The following SRGAP1 variants were observed in gnomAD, a reference collection of about 807,000 sequenced individuals.
SRGAP1 encodes the protein SLIT-ROBO Rho GTPase-activating protein 1.
Under a neutral mutation model 121.9 loss-of-function variants are expected in SRGAP1, and 43 were observed. The observed-to-expected ratio is 0.35, with a 90% CI of 0.28 to 0.46. The LOEUF is 0.46. Among genes scored for constraint, SRGAP1 ranks in the 20% least tolerant of loss-of-function variants. SRGAP1 has a pLI of 1.00. For missense variants in SRGAP1, 1,102 were observed against 1,350.9 expected (o/e 0.82, Z 2.89); for synonymous variants, 447 against 485.4 (o/e 0.92, Z 1.04).
intron 12 of SRGAP1, among the ~76,000 whole-genome samples, chr12:64,094,651 A>G (rs809322): frequency 0.016 from 2,501 of 152,310 alleles, 74 homozygotes; most frequent in African/African-American, 0.057. Context: ...TTTTAAGTCC[A>G]TTAAAGATTG....
chr12:64,102,952 T>C (rs2036282302), intron 15 of SRGAP1, among the ~76,000 whole-genome samples: 1 of 152,176 alleles, frequency 6.6e-6, no homozygotes, highest in Admixed American at 6.5e-5. Context: ...GGGTAAATTA[T>C]ATGGTATATT....
chr12:64,039,504 T>G (rs2034966617), intron 4 of SRGAP1, among the ~76,000 whole-genome samples: 1 of 152,156 alleles, frequency 6.6e-6, no homozygotes, highest in South Asian at 2.1e-4. Context: ...TGCGATAATT[T>G]ATTTAAAAGA....
intron 1 of SRGAP1, among the ~76,000 whole-genome samples, chr12:63,899,466 CG>C (rs1900861658): frequency 6.6e-6 from 1 of 152,154 alleles, no homozygotes; most frequent in Non-Finnish European, 1.5e-5. Flanking sequence ...ATTCACCAGT[CG>C]TGCAGCTACT....
intron 1 of SRGAP1, among the ~76,000 whole-genome samples, chr12:63,871,151 G>A (rs1030357602): frequency 2.0e-5 from 3 of 152,172 alleles, no homozygotes; most frequent in African/African-American, 7.2e-5. Flanking sequence ...CCTTAAGTTA[G>A]CCAATTTAAA....
At chr12:63,973,602 A>C (rs1362057086) in intron 1 of SRGAP1, among the ~76,000 whole-genome samples, 2 of 152,234 alleles carry the variant, frequency 1.3e-5, no homozygotes, top group Non-Finnish European at 2.9e-5. Context: ...TATAAATGTT[A>C]AATTGCTTAA....
chr12:64,099,463 A>G (rs2036219697), intron 15 of SRGAP1, among the ~76,000 whole-genome samples: 1 of 152,220 alleles, frequency 6.6e-6, no homozygotes, highest in Non-Finnish European at 1.5e-5. Flanking sequence ...TGAAAAGTCA[A>G]GATTCCACCA....
At chr12:63,967,530 T>A (rs1453484428) in intron 1 of SRGAP1, among the ~76,000 whole-genome samples, 1 of 152,216 alleles carries the variant, frequency 6.6e-6, no homozygotes, top group East Asian at 1.9e-4. Flanking sequence ...GTGGACGAGT[T>A]CTTATTGCAG....
At position 64,150,955 on chromosome 12, in the gene SRGAP1, A is replaced by AAAAAAAAAAAAAC. The variant is rs2037114366; in HGVS notation, c.*8288_*8289insAAAAAAACAAAAA. 1 of 148,712 alleles carries AAAAAAAAAAAAAC rather than the reference A, an allele frequency of 6.7e-6. No homozygotes were observed. 9.2% of individuals were successfully genotyped at this position (148,712 alleles called of 1,614,324 possible). A position where few individuals can be genotyped will look rare whatever the true frequency, so the allele number is the denominator to read the frequency against. On this transcript the variant is annotated 3_prime_UTR_variant, in exon 22 of 22. Coordinates refer to ENST00000355086, the MANE Select transcript of SRGAP1 (RefSeq NM_020762.4). ...ATCTCAAAAAAAAAAAAAAAAAAAA[A>AAAAAAAAAAAAAC]AAAAACATGGTCAAGATTTGTAATA...
At chr12:64,077,659 A>C (rs2035762855) in intron 8 of SRGAP1, among the ~76,000 whole-genome samples, 1 of 151,972 alleles carries the variant, frequency 6.6e-6, no homozygotes, top group Non-Finnish European at 1.5e-5. Context: ...TAGGAGATTA[A>C]TAAATAAATA....
chr12:63,990,213 T>C (rs1249939273), intron 3 of SRGAP1, 141 bp downstream of exon 3: 6 of 703,538 alleles, frequency 8.5e-6, no homozygotes, highest in Non-Finnish European at 1.4e-5. Flanking sequence ...ATTAGATGAA[T>C]GGATGTTTTA....
rs578117873 is a variant in SRGAP1, at chr12:63,876,097, C to CT, written c.67+31220dup. On this transcript the variant is annotated intron_variant, in intron 1 of 21. Coordinates refer to ENST00000355086, the MANE Select transcript of SRGAP1 (RefSeq NM_020762.4). ...GAAACCAACATAAAAAGTTTGAAGA[C>CT]TTTTTTGTCAGAGATCTTAGTTTTC... is the stretch of plus-strand genomic sequence containing the variant. 1.1e-4 allele frequency among the ~76,000 whole-genome samples: 17 copies of CT among 152,182 alleles called. No homozygotes were observed. In the East Asian group the frequency reaches 2.9e-3, roughly 26 times the overall value.
chr12:64,007,017 G>A (rs1414188094), intron 3 of SRGAP1, among the ~76,000 whole-genome samples: 1 of 152,084 alleles, frequency 6.6e-6, no homozygotes, highest in Admixed American at 6.5e-5. Flanking sequence ...CATGGATTTG[G>A]ACTGACTCCA....
chr12:63,883,805 C>T (rs1239072970), intron 1 of SRGAP1, among the ~76,000 whole-genome samples: 1 of 151,536 alleles, frequency 6.6e-6, no homozygotes, highest in African/African-American at 2.4e-5. Context: ...ACTACAGGCG[C>T]CTGCCGCCAC....
chr12:63,957,679 A>C (rs1415713887), intron 1 of SRGAP1, among the ~76,000 whole-genome samples: 1 of 152,154 alleles, frequency 6.6e-6, no homozygotes, highest in Non-Finnish European at 1.5e-5. Flanking sequence ...GAGAGAGAGC[A>C]TATGGGTGTG....
chr12:64,099,785 C>A (rs1162210709), intron 15 of SRGAP1, among the ~76,000 whole-genome samples: 1 of 152,198 alleles, frequency 6.6e-6, no homozygotes. Context: ...TTTCTAGGTC[C>A]ATACATCATG....
At chr12:63,919,540 A>C (rs1393779468) in intron 1 of SRGAP1, among the ~76,000 whole-genome samples, 1 of 142,280 alleles carries the variant, frequency 7.0e-6, no homozygotes, top group South Asian at 2.1e-4. Flanking sequence ...ACACACACAC[A>C]ACTATGTTTG....
chr12:64,147,873 T>G lies in SRGAP1; in HGVS notation c.*5201T>G. On this transcript the variant is annotated 3_prime_UTR_variant, in exon 22 of 22. Coordinates refer to ENST00000355086, the MANE Select transcript of SRGAP1 (RefSeq NM_020762.4). ...TCCAGTTTGATGTGCATCTCTGTGG[T>G]GTCTTTGTTCCTTTCCTTTCATTCA... is the stretch of plus-strand genomic sequence containing the variant. The G allele has an allele frequency of 2.5e-6, 1 of 393,674 alleles. No individual in the cohort carries two copies. The highest frequency in any genetic ancestry group is 4.5e-6 in the Non-Finnish European group (1 of 223,538). The allele number at this position is 393,674 out of a possible 1,614,324, so 24.4% of individuals were successfully genotyped here.
At chr12:63,955,958 C>T (rs1456878184) in intron 1 of SRGAP1, among the ~76,000 whole-genome samples, 4 of 152,196 alleles carry the variant, frequency 2.6e-5, no homozygotes, top group South Asian at 2.1e-4. Context: ...AGGCTCCGTC[C>T]GAAAGTGAAC....
intron 3 of SRGAP1, among the ~76,000 whole-genome samples, chr12:63,994,263 G>A (rs1284693295): frequency 6.6e-6 from 1 of 152,044 alleles, no homozygotes; most frequent in Non-Finnish European, 1.5e-5. Flanking sequence ...CAATAATTAT[G>A]TAATGTGAGA....
Sources: gnomAD v4.1 joint callset for allele counts (sites outside exome capture counted in the v4.1 genomes callset) on GRCh38, gnomAD v4.1.1 for gene constraint, MANE v1.5 for transcripts, NCBI Gene and HGNC (gene_info 2026-07-23, HGNC 2026-07-21) for gene names.